Variants in ANKRD6 observed in about 807,000 individuals in gnomAD.
The protein encoded by ANKRD6 is ankyrin repeat domain 6.
In ANKRD6, 56 loss-of-function variants were observed where a neutral mutation model predicts 82.3. The ratio of observed to expected loss-of-function variants is 0.68; its 90% CI spans 0.55 to 0.85. The LOEUF (loss-of-function observed/expected upper bound fraction) is 0.85. ANKRD6 is among the 40% of genes least tolerant of loss of function. The pLI is 0.00. For synonymous variants in ANKRD6, 347 were observed against 352.1 expected (o/e 0.99, Z 0.16); for missense variants, 852 against 907.6 (o/e 0.94, Z 0.79).
chr6:89,557,513 A>G (rs555867537), intron 1 of ANKRD6, among the ~76,000 whole-genome samples: 1 of 152,288 alleles, frequency 6.6e-6, no homozygotes, highest in East Asian at 1.9e-4. Flanking sequence ...GCAACAGAGA[A>G]ATCATGTAAA....
In ANKRD6 at chr6:89,631,264, G is replaced by C. The variant is rs1029977527; in HGVS notation, c.*260G>C. On this transcript the variant is annotated 3_prime_UTR_variant, in exon 16 of 16. Coordinates refer to ENST00000339746, the MANE Select transcript of ANKRD6 (RefSeq NM_001242809.2). ...TCTTAGCCTCAGTCCAGGTTAATCT[G>C]AAGTTTGAAAGCTCAGATTAAGCAA... 2.4e-6 allele frequency: 1 copy of C among 421,840 alleles called. No homozygotes were observed. Among genetic ancestry groups the C allele is most frequent in the African/African-American group, 2.1e-5 (1 of 48,664 alleles). The allele number at this position is 421,840 out of a possible 1,614,324, so 26.1% of individuals were successfully genotyped here. A position where few individuals can be genotyped will look rare whatever the true frequency, so the allele number is the denominator to read the frequency against.
intron 1 of ANKRD6, among the ~76,000 whole-genome samples, chr6:89,439,615 A>T (rs746957855): frequency 5.9e-5 from 9 of 152,214 alleles, no homozygotes; most frequent in Non-Finnish European, 1.0e-4. Context: ...AGCGTCATTT[A>T]TCTGTTACTA....
intron 1 of ANKRD6, among the ~76,000 whole-genome samples, chr6:89,518,129 G>A (rs1314309416): frequency 2.6e-5 from 4 of 152,198 alleles, no homozygotes; most frequent in Non-Finnish European, 4.4e-5. Context: ...ATGGCCGGGC[G>A]TGGTGGCTCA....
chr6:89,499,284 C>A (rs150065005), intron 1 of ANKRD6, among the ~76,000 whole-genome samples: 1 of 152,216 alleles, frequency 6.6e-6, no homozygotes, highest in Non-Finnish European at 1.5e-5. Flanking sequence ...CTGTCACCAA[C>A]TGTAGACTGC....
intron 1 of ANKRD6, among the ~76,000 whole-genome samples, chr6:89,442,661 A>G (rs947815618): frequency 1.3e-5 from 2 of 148,880 alleles, no homozygotes; most frequent in African/African-American, 5.0e-5. Flanking sequence ...AAAAAAAGAC[A>G]GCAATCATTA....
intron 13 of ANKRD6, 23 bp downstream of exon 13, chr6:89,624,714 C>T: frequency 6.3e-7 from 1 of 1,597,562 alleles, no homozygotes; most frequent in Non-Finnish European, 8.5e-7. Flanking sequence ...GCCCAGCTTC[C>T]TAATTGCAAG....
intron 1 of ANKRD6, among the ~76,000 whole-genome samples, chr6:89,500,386 T>C (rs1300212302): frequency 6.6e-6 from 1 of 152,172 alleles, no homozygotes; most frequent in Non-Finnish European, 1.5e-5. Context: ...ATGAAAAATA[T>C]CACAGTACAG....
chr6:89,438,638 A>G (rs1457669502), intron 1 of ANKRD6, among the ~76,000 whole-genome samples: 5 of 152,246 alleles, frequency 3.3e-5, no homozygotes, highest in Non-Finnish European at 5.9e-5. Context: ...GCCTTTATGT[A>G]ATTTATTTCT....
At chr6:89,536,602 T>C (rs1783870974) in intron 1 of ANKRD6, among the ~76,000 whole-genome samples, 1 of 152,240 alleles carries the variant, frequency 6.6e-6, no homozygotes, top group Admixed American at 6.5e-5. Flanking sequence ...TCAGTAGGCA[T>C]TGTCTCCAAA....
chr6:89,542,534 T>G (rs1784563781), intron 1 of ANKRD6, among the ~76,000 whole-genome samples: 1 of 152,172 alleles, frequency 6.6e-6, no homozygotes, highest in Non-Finnish European at 1.5e-5. Flanking sequence ...ACAGGAGGCA[T>G]AGATAGTATA....
chr6:89,460,623 A>G (rs1027012541), intron 1 of ANKRD6, among the ~76,000 whole-genome samples: 1 of 151,916 alleles, frequency 6.6e-6, no homozygotes, highest in Admixed American at 6.6e-5. Context: ...TTTAGTAGAG[A>G]CGGGGTTTCA....
chr6:89,592,248 G>C (rs187365951), intron 2 of ANKRD6, among the ~76,000 whole-genome samples: 1 of 152,332 alleles, frequency 6.6e-6, no homozygotes, highest in Non-Finnish European at 1.5e-5. Context: ...AGGCAAAGGT[G>C]TAGGGTGTCG....
chr6:89,447,854 A>ATTTTTTT (rs530068070), intron 1 of ANKRD6, among the ~76,000 whole-genome samples: 10 of 119,012 alleles, frequency 8.4e-5, no homozygotes, highest in African/African-American at 2.8e-4. Flanking sequence ...CGCCCAGCTA[A>ATTTTTTT]TTTTTTTTTT....
At chr6:89,434,278 T>A (rs985629793) in intron 1 of ANKRD6, among the ~76,000 whole-genome samples, 12 of 152,206 alleles carry the variant, frequency 7.9e-5, no homozygotes, top group African/African-American at 2.7e-4. Flanking sequence ...GGGAATGAAA[T>A]GCTTGGCATT....
At chr6:89,471,265 T>A (rs917764048) in intron 1 of ANKRD6, among the ~76,000 whole-genome samples, 2 of 149,792 alleles carry the variant, frequency 1.3e-5, no homozygotes, top group Non-Finnish European at 3.0e-5. Flanking sequence ...GGCAGGAGAA[T>A]CGCTTGAACT....
rs188845934 is a variant in ANKRD6, at chr6:89,578,754, A to G, written c.120+11658A>G. 4.6e-5 allele frequency among the ~76,000 whole-genome samples: 7 copies of G among 152,318 alleles called. No homozygotes were observed. The East Asian group carries it at 1.4e-3, about 29-fold the overall frequency. Reference sequence around the variant, plus strand: ...ACTATCTGGTTGAAATCCTTACCACAGCTCTGCCAAGCTAGTGCTCTTATC... The same window carrying G: ...ACTATCTGGTTGAAATCCTTACCACGGCTCTGCCAAGCTAGTGCTCTTATC... On this transcript the variant is annotated intron_variant, in intron 2 of 15. Transcript: ENST00000339746.
chr6:89,489,296 A>G (rs374152162), intron 1 of ANKRD6, among the ~76,000 whole-genome samples: 14 of 152,308 alleles, frequency 9.2e-5, no homozygotes, highest in Admixed American at 3.3e-4. Flanking sequence ...AACGAGGACA[A>G]TAATTCAGTT....
chr6:89,581,878 A>T (rs536427720), intron 2 of ANKRD6, among the ~76,000 whole-genome samples: 10 of 151,850 alleles, frequency 6.6e-5, no homozygotes, highest in African/African-American at 2.2e-4. Context: ...GGGTTAGCAC[A>T]TCCACACACT....
At chr6:89,521,192 C>T (rs1781842956) in intron 1 of ANKRD6, among the ~76,000 whole-genome samples, 1 of 152,146 alleles carries the variant, frequency 6.6e-6, no homozygotes, top group African/African-American at 2.4e-5. Flanking sequence ...GGTCCTTGCC[C>T]TCACAGTGCT....
Sources: allele counts gnomAD v4.1 joint callset (sites outside exome capture counted in the v4.1 genomes callset), GRCh38; gene constraint gnomAD v4.1.1; transcripts MANE v1.5; gene names NCBI Gene and HGNC (gene_info 2026-07-23, HGNC 2026-07-21).